The following SLC35F4 variants were observed in gnomAD, a reference collection of about 807,000 sequenced individuals.
SLC35F4 encodes the protein chromosome 14 open reading frame 36.
Under a neutral mutation model 44.2 loss-of-function variants are expected in SLC35F4, and 24 were observed. That is an observed-to-expected ratio of 0.54 (90% CI 0.39 to 0.76). The LOEUF (loss-of-function observed/expected upper bound fraction) is 0.76, where lower values mean the gene tolerates loss of function less well. SLC35F4 is among the 30% of genes least tolerant of loss of function. SLC35F4 has a pLI of 0.00. For synonymous variants in SLC35F4, 238 were observed against 223.6 expected (o/e 1.06, Z -0.57); for missense variants, 562 against 586.1 (o/e 0.96, Z 0.42).
chr14:57,931,030 G>A (rs1161731421), intron 1 of SLC35F4, among the ~76,000 whole-genome samples: 1 of 152,204 alleles, frequency 6.6e-6, no homozygotes, highest in Non-Finnish European at 1.5e-5. Context: ...AAGTATTAAA[G>A]TGTAGATAAT....
chr14:57,575,803 GC>G (rs2068753823), intron 4 of SLC35F4, among the ~76,000 whole-genome samples: 1 of 152,150 alleles, frequency 6.6e-6, no homozygotes, highest in South Asian at 2.1e-4. Context: ...GATCCGTGTG[GC>G]CATTTGAGCC....
chr14:57,912,469 G>C (rs1889233558), intron 1 of SLC35F4, among the ~76,000 whole-genome samples: 1 of 151,808 alleles, frequency 6.6e-6, no homozygotes, highest in African/African-American at 2.4e-5. Flanking sequence ...ATTGTACATT[G>C]TGCTTTTATT....
intron 1 of SLC35F4, among the ~76,000 whole-genome samples, chr14:57,713,587 CTG>C (rs1180525098): frequency 3.3e-5 from 5 of 152,152 alleles, no homozygotes; most frequent in Non-Finnish European, 7.3e-5. Flanking sequence ...TGGGTAAGTA[CTG>C]TGTTTCTCTG....
rs190996333 is a variant in SLC35F4, at chr14:57,849,139, C to T, written c.103+16584G>A. ...TGAGTCCTTCACTCTAGAATATAAG[C>T]ACATAAAAAAGAATCACAACATATC... On this transcript the variant is annotated intron_variant, in intron 1 of 7. Coordinates refer to ENST00000556826, the MANE Select transcript of SLC35F4 (RefSeq NM_001306087.2). 4.4e-4 allele frequency among the ~76,000 whole-genome samples: 67 copies of T among 152,194 alleles called. 1 individual carries two copies. Among genetic ancestry groups the T allele is most frequent in the Admixed American group, 4.2e-3 (64 of 15,294 alleles).
intron 1 of SLC35F4, among the ~76,000 whole-genome samples, chr14:57,653,547 G>A (rs2073860530): frequency 6.6e-6 from 1 of 152,176 alleles, no homozygotes; most frequent in Non-Finnish European, 1.5e-5. Flanking sequence ...AGGAAGAGCA[G>A]TTCAGCTCTG....
chr14:57,726,564 T>C (rs536647387), intron 1 of SLC35F4, among the ~76,000 whole-genome samples: 60 of 152,354 alleles, frequency 3.9e-4, no homozygotes, highest in Admixed American at 6.5e-4. Context: ...TTAAGTATTG[T>C]TAACTTTATG....
chr14:57,603,350 A>C (rs959820429), intron 1 of SLC35F4, among the ~76,000 whole-genome samples: 1 of 152,220 alleles, frequency 6.6e-6, no homozygotes, highest in African/African-American at 2.4e-5. Context: ...TAACATGGCT[A>C]TCTTAGACTT....
intron 1 of SLC35F4, among the ~76,000 whole-genome samples, chr14:57,965,343 T>TG (rs1890418304): frequency 6.6e-6 from 1 of 151,840 alleles, no homozygotes; most frequent in Non-Finnish European, 1.5e-5. Context: ...CTTTTCTACC[T>TG]CCTCTTCTAC....
intron 1 of SLC35F4, among the ~76,000 whole-genome samples, chr14:57,788,966 G>C (rs1202665053): frequency 6.6e-6 from 1 of 152,164 alleles, no homozygotes; most frequent in Non-Finnish European, 1.5e-5. Flanking sequence ...AACCCAATGA[G>C]AACAAAGATA....
chr14:57,973,430 C>T (rs1881114420), downstream of SLC35F4, among the ~76,000 whole-genome samples: 1 of 152,118 alleles, frequency 6.6e-6, no homozygotes, highest in African/African-American at 2.4e-5. Context: ...GTCTACACAC[C>T]TTACCTTCTT....
intron 1 of SLC35F4, among the ~76,000 whole-genome samples, chr14:57,712,460 T>C (rs1440087290): frequency 1.3e-5 from 2 of 152,210 alleles, no homozygotes; most frequent in Non-Finnish European, 2.9e-5. Flanking sequence ...CCAAACCTAA[T>C]ACATTGGCTA....
intron 1 of SLC35F4, among the ~76,000 whole-genome samples, chr14:57,603,357 A>G (rs975537164): frequency 6.6e-6 from 1 of 152,078 alleles, no homozygotes; most frequent in African/African-American, 2.4e-5. Flanking sequence ...GCTATCTTAG[A>G]CTTCTGTCCT....
At chr14:57,682,599 G>C (rs937180494) in intron 1 of SLC35F4, among the ~76,000 whole-genome samples, 1 of 150,774 alleles carries the variant, frequency 6.6e-6, no homozygotes, top group African/African-American at 2.5e-5. Flanking sequence ...CAATAAACAT[G>C]CACGTTCTGC....
At chr14:57,970,469 TAA>T (rs1330368247) in intron 1 of SLC35F4, among the ~76,000 whole-genome samples, 1 of 152,204 alleles carries the variant, frequency 6.6e-6, no homozygotes, top group Non-Finnish European at 1.5e-5. Flanking sequence ...TGTCTTTTGC[TAA>T]AAGAGTCTAT....
chr14:57,873,883 A>G lies in SLC35F4; in HGVS notation n.282+108030T>C, dbSNP rs146410325. Among the ~76,000 whole-genome samples the G allele has an allele frequency of 4.6e-5, 7 of 152,202 alleles. No individual in the cohort carries two copies. In the East Asian group the frequency reaches 9.7e-4, roughly 21 times the overall value. On this transcript the variant is annotated intron_variant and non_coding_transcript_variant, in intron 1 of 1. Transcript: ENST00000556568. ...TAGCAATCGCAATTATCTCCTTTCCATGGAATGTGATGAAGCCTGACTAAA... is the reference window on the plus strand; with the variant it reads ...TAGCAATCGCAATTATCTCCTTTCCGTGGAATGTGATGAAGCCTGACTAAA...
intron 1 of SLC35F4, among the ~76,000 whole-genome samples, chr14:57,979,610 A>C (rs17094069): frequency 0.046 from 6,931 of 152,240 alleles, 158 homozygotes; most frequent in African/African-American, 0.05. Context: ...CAGGGAACTT[A>C]ATGCCCACGT....
At chr14:57,671,742 C>G (rs374771196) in intron 1 of SLC35F4, among the ~76,000 whole-genome samples, 4 of 151,714 alleles carry the variant, frequency 2.6e-5, no homozygotes, top group Admixed American at 1.3e-4. Flanking sequence ...ATTTACTTAC[C>G]AACTCCTGCA....
At chr14:57,595,622 A>G (rs2070445576) in intron 1 of SLC35F4, 1 of 152,190 alleles carries the variant, frequency 6.6e-6, no homozygotes, top group South Asian at 2.1e-4. Context: ...GTATAGACTT[A>G]TGAATATTTA....
intron 1 of SLC35F4, among the ~76,000 whole-genome samples, chr14:57,851,246 G>A (rs1886532845): frequency 6.6e-6 from 1 of 151,978 alleles, no homozygotes; most frequent in South Asian, 2.1e-4. Context: ...CCATCTTCCA[G>A]ATATTACCAT....
Sources: gnomAD v4.1 joint callset for allele counts (sites outside exome capture counted in the v4.1 genomes callset) on GRCh38, gnomAD v4.1.1 for gene constraint, MANE v1.5 for transcripts, NCBI Gene and HGNC (gene_info 2026-07-23, HGNC 2026-07-21) for gene names.